Variants in PPP2R2C observed in about 807,000 individuals in gnomAD.
PPP2R2C encodes the protein protein phosphatase 2 regulatory subunit Bgamma.
Under a neutral mutation model 45.3 loss-of-function variants are expected in PPP2R2C, and 10 were observed. The ratio of observed to expected loss-of-function variants is 0.22; its 90% CI spans 0.14 to 0.37. The LOEUF (loss-of-function observed/expected upper bound fraction) is 0.37. Ranked by LOEUF, PPP2R2C falls within the 10% of genes least tolerant of loss-of-function variation. PPP2R2C has a pLI of 1.00. For synonymous variants in PPP2R2C, 257 were observed against 245.4 expected (o/e 1.05, Z -0.44); for missense variants, 308 against 619.7 (o/e 0.50, Z 5.34).
In PPP2R2C at chr4:6,356,272, G is replaced by A. The variant is rs1053709917; in HGVS notation, c.626-8262C>T. ...CCTGTCGCAGCTAACACGTGCGGCC[G>A]GCTGGCTGGGTGGGACTAGCTTCGC... is the stretch of plus-strand genomic sequence containing the variant. On this transcript the variant is annotated intron_variant, in intron 5 of 8. Coordinates refer to ENST00000382599, the MANE Select transcript of PPP2R2C (RefSeq NM_020416.4). Among the ~76,000 whole-genome samples the A allele has an allele frequency of 6.6e-5, 10 of 152,302 alleles. No homozygotes were observed. The East Asian group carries it at 7.7e-4, about 12-fold the overall frequency.
At chr4:6,365,053 C>T (rs954080652) in intron 5 of PPP2R2C, among the ~76,000 whole-genome samples, 2 of 152,216 alleles carry the variant, frequency 1.3e-5, no homozygotes, top group South Asian at 4.1e-4. Context: ...GTCCCTTCTT[C>T]CCAAGGTGCT....
chr4:6,524,588 T>C (rs2108816548), intron 2 of PPP2R2C, among the ~76,000 whole-genome samples: 1 of 152,356 alleles, frequency 6.6e-6, no homozygotes, highest in East Asian at 1.9e-4. Flanking sequence ...TGGTTACAGC[T>C]CAGCCTTTGC....
At chr4:6,382,080 C>A in intron 1 of PPP2R2C, 1 of 1,377,892 alleles carries the variant, frequency 7.3e-7, no homozygotes, top group Non-Finnish European at 9.4e-7. Context: ...TTTACTGCAG[C>A]CCCAAAATGA....
At chr4:6,384,560 G>T (rs189860278) in intron 1 of PPP2R2C, 34 of 980,314 alleles carry the variant, frequency 3.5e-5, no homozygotes, top group Non-Finnish European at 1.2e-6. Context: ...ATTTGATGAG[G>T]GTGGGCATAC....
At chr4:6,465,293 T>C (rs1416844138) in intron 1 of PPP2R2C, among the ~76,000 whole-genome samples, 1 of 152,168 alleles carries the variant, frequency 6.6e-6, no homozygotes, top group Non-Finnish European at 1.5e-5. Context: ...CTCTCCCCTG[T>C]AGAGCAACCT....
chr4:6,547,710 G>C (rs928069049), intron 1 of PPP2R2C, among the ~76,000 whole-genome samples: 5 of 152,172 alleles, frequency 3.3e-5, no homozygotes, highest in Admixed American at 1.3e-4. Flanking sequence ...TGGGGCAGGT[G>C]CAAAGGGTGA....
At chr4:6,554,714 G>A (rs1487231088) in intron 1 of PPP2R2C, among the ~76,000 whole-genome samples, 1 of 151,874 alleles carries the variant, frequency 6.6e-6, no homozygotes, top group Admixed American at 6.6e-5. Flanking sequence ...ACAAAAATCA[G>A]CCAGGCCTGG....
At chr4:6,410,859 TTATTTATTTATTTATTTA>T (rs1312022409) in intron 1 of PPP2R2C, among the ~76,000 whole-genome samples, 125 of 147,498 alleles carry the variant, frequency 8.5e-4, no homozygotes, top group African/African-American at 2.9e-3. Context: ...ATTTATTTAT[TTATTTATTTATTTATTTA>T]TTTATTTATT....
intron 2 of PPP2R2C, among the ~76,000 whole-genome samples, chr4:6,514,878 C>T (rs919870752): frequency 3.9e-5 from 6 of 152,188 alleles, no homozygotes; most frequent in Admixed American, 3.3e-4. Flanking sequence ...TCAGGTGTTG[C>T]CTGCAAGCCT....
chr4:6,398,728 C>A (rs375752142), intron 1 of PPP2R2C, among the ~76,000 whole-genome samples: 1 of 152,150 alleles, frequency 6.6e-6, no homozygotes, highest in Non-Finnish European at 1.5e-5. Context: ...GTCTACCATG[C>A]GAACCAACCA....
intron 1 of PPP2R2C, among the ~76,000 whole-genome samples, chr4:6,420,355 A>C (rs1718879944): frequency 6.6e-6 from 1 of 152,350 alleles, no homozygotes; most frequent in South Asian, 2.1e-4. Flanking sequence ...ATGAATCAAA[A>C]GCATCCCCCC....
intron 1 of PPP2R2C, among the ~76,000 whole-genome samples, chr4:6,453,450 C>A (rs1201939371): frequency 6.6e-6 from 1 of 152,120 alleles, no homozygotes; most frequent in Non-Finnish European, 1.5e-5. Context: ...TCCAGCAGCT[C>A]TATCCCATGG....
chr4:6,422,421 G>C (rs111634202), intron 1 of PPP2R2C, among the ~76,000 whole-genome samples: 2 of 152,352 alleles, frequency 1.3e-5, no homozygotes, highest in Non-Finnish European at 2.9e-5. Context: ...TTATATGGGG[G>C]AAATACTTTG....
chr4:6,521,148 GC>G (rs1162805175), intron 2 of PPP2R2C, among the ~76,000 whole-genome samples: 1 of 152,202 alleles, frequency 6.6e-6, no homozygotes, highest in Non-Finnish European at 1.5e-5. Context: ...CTGACTCCAA[GC>G]CGGGTGCCCA....
rs73798244 is a variant in PPP2R2C, at chr4:6,418,671, C to T, written c.71-37577G>A. Among the ~76,000 whole-genome samples the T allele has an allele frequency of 5.8e-4, 88 of 152,338 alleles. No individual in the cohort carries two copies. In the Middle Eastern group the frequency reaches 0.017, roughly 29 times the overall value. ...TGGGTTCACCTCACTTCAGAGATGA[C>T]TCAGCCAGAGTCCTGTGCTCCCAAA... On this transcript the variant is annotated intron_variant, in intron 1 of 8. Coordinates refer to ENST00000382599, the MANE Select transcript of PPP2R2C (RefSeq NM_020416.4).
chr4:6,539,353 A>G (rs928267712), intron 1 of PPP2R2C, among the ~76,000 whole-genome samples: 2 of 152,108 alleles, frequency 1.3e-5, no homozygotes, highest in African/African-American at 4.8e-5. Flanking sequence ...CCACACTGTG[A>G]CCTTGGACTT....
intron 1 of PPP2R2C, among the ~76,000 whole-genome samples, chr4:6,405,808 G>A (rs927731694): frequency 3.9e-5 from 6 of 152,166 alleles, no homozygotes; most frequent in Non-Finnish European, 8.8e-5. Context: ...AGCCAGCCAC[G>A]GACAAGCGTG....
At chr4:6,512,419 A>T (rs868468849) in intron 2 of PPP2R2C, among the ~76,000 whole-genome samples, 2 of 10,110 alleles carry the variant, frequency 2.0e-4, no homozygotes, top group African/African-American at 8.2e-4. Flanking sequence ...GGTGGTGGTG[A>T]TGGTGGGGGT....
intron 1 of PPP2R2C, among the ~76,000 whole-genome samples, chr4:6,443,864 A>G (rs1577186908): frequency 6.6e-6 from 1 of 151,500 alleles, no homozygotes; most frequent in Non-Finnish European, 1.5e-5. Context: ...CTCAGCCCAC[A>G]CAGCCTCTCA....
Sources: allele counts gnomAD v4.1 joint callset (sites outside exome capture counted in the v4.1 genomes callset), GRCh38; gene constraint gnomAD v4.1.1; transcripts MANE v1.5; gene names NCBI Gene and HGNC (gene_info 2026-07-23, HGNC 2026-07-21).